CYSTM1: variants seen among roughly 807,000 people sequenced by gnomAD.
The protein encoded by CYSTM1 is cysteine rich transmembrane module containing 1, also known as cysteine-rich transmembrane module-containing protein 1.
CYSTM1 carries 4 observed loss-of-function variants against 13.1 expected under a neutral mutation model. The observed-to-expected ratio is 0.31, with a 90% CI of 0.15 to 0.70. The LOEUF is 0.70. CYSTM1 is among the 30% of genes least tolerant of loss of function. The probability of loss-of-function intolerance (pLI) is 0.72; values close to 1 mark genes in which losing one functional copy is unlikely to be tolerated. For missense variants in CYSTM1, 96 were observed against 121.6 expected (o/e 0.79, Z 0.99); for synonymous variants, 36 against 42.7 (o/e 0.84, Z 0.62).
chr5:140,217,995 T>G (rs17208094), intron 2 of CYSTM1, among the ~76,000 whole-genome samples: 27,524 of 152,114 alleles, frequency 0.18, 2,848 homozygotes, highest in South Asian at 0.24. Context: ...AATAGGACCA[T>G]TTCCATTTCC....
intron 1 of CYSTM1, among the ~76,000 whole-genome samples, chr5:140,178,440 CCTTTTTTTTT>C (rs1297358594): frequency 1.4e-5 from 1 of 72,386 alleles, no homozygotes; most frequent in Non-Finnish European, 2.6e-5. Context: ...TCAAGTCCTT[CCTTTTTTTTT>C]TTTTTTTTTT....
At chr5:140,232,169 A>T (rs1157156158) in intron 2 of CYSTM1, among the ~76,000 whole-genome samples, 3 of 152,236 alleles carry the variant, frequency 2.0e-5, no homozygotes, top group African/African-American at 4.8e-5. Flanking sequence ...GGTTGGGAAC[A>T]AGAGAAAGGA....
chr5:140,179,906 A>G lies in CYSTM1; in HGVS notation c.-21+4621A>G, dbSNP rs919070057. 2.1e-4 allele frequency among the ~76,000 whole-genome samples: 32 copies of G among 151,820 alleles called. No individual in the cohort carries two copies. The South Asian group carries it at 6.7e-3, about 32-fold the overall frequency. Reference sequence around the variant, plus strand: ...TCGAACTCCTGACCTCAGGTGATCCACCCGCCTCAGCCTCCCAAAGTGCTG... The same window carrying G: ...TCGAACTCCTGACCTCAGGTGATCCGCCCGCCTCAGCCTCCCAAAGTGCTG... On this transcript the variant is annotated intron_variant, in intron 1 of 2. Transcript: ENST00000261811.
chr5:140,240,547 C>G (rs1187386224), intron 2 of CYSTM1, among the ~76,000 whole-genome samples: 1 of 151,828 alleles, frequency 6.6e-6, no homozygotes, highest in African/African-American at 2.4e-5. Flanking sequence ...TGCACGAGTT[C>G]TCAGGCAGAG....
rs145123949 is a variant in CYSTM1, at chr5:140,192,140, A to G, written c.-20-2306A>G. On this transcript the variant is annotated intron_variant, in intron 1 of 2. Transcript: ENST00000261811. ...GACCCTCAAGCCATTTGATCCCATA[A>G]CATAGAGTTTCAATTTATAATCAAC... 3.9e-5 allele frequency among the ~76,000 whole-genome samples: 6 copies of G among 152,344 alleles called. No homozygotes were observed. The East Asian group carries it at 1.2e-3, about 29-fold the overall frequency.
intron 1 of CYSTM1, among the ~76,000 whole-genome samples, chr5:140,181,757 A>C (rs1037699910): frequency 8.5e-5 from 13 of 152,248 alleles, no homozygotes; most frequent in African/African-American, 3.1e-4. Flanking sequence ...CACCTGCAAG[A>C]GCCACGGGGG....
chr5:140,181,956 G>T (rs1763966271), intron 1 of CYSTM1, among the ~76,000 whole-genome samples: 1 of 152,190 alleles, frequency 6.6e-6, no homozygotes, highest in South Asian at 2.1e-4. Flanking sequence ...TAAAGGGAGG[G>T]TCTTGAAAGT....
chr5:140,206,990 A>G (rs2126662204), intron 2 of CYSTM1, among the ~76,000 whole-genome samples: 1 of 152,092 alleles, frequency 6.6e-6, no homozygotes, highest in African/African-American at 2.4e-5. Flanking sequence ...TTCCTTTCAC[A>G]TCTCTGAGCA....
At chr5:140,185,665 G>A (rs1764007747) in intron 1 of CYSTM1, among the ~76,000 whole-genome samples, 2 of 152,212 alleles carry the variant, frequency 1.3e-5, no homozygotes, top group Non-Finnish European at 2.9e-5. Flanking sequence ...GTGTTGCACT[G>A]TTACTGGGAG....
intron 1 of CYSTM1, among the ~76,000 whole-genome samples, chr5:140,176,808 A>G (rs866911051): frequency 1.3e-5 from 2 of 152,102 alleles, no homozygotes; most frequent in African/African-American, 4.8e-5. Flanking sequence ...GGTGGCTCAC[A>G]CCTGTAATCC....
In CYSTM1 at chr5:140,175,626, C is replaced by T. The variant is rs1420044279; in HGVS notation, c.-21+341C>T. Among the ~76,000 whole-genome samples the T allele has an allele frequency of 6.6e-6, 1 of 152,244 alleles. No homozygotes were observed. The highest frequency in any genetic ancestry group is 2.4e-5 in the African/African-American group (1 of 41,482). Reference sequence around the variant, plus strand: ...GAGCGGGGCTCGCCACACCCCGTCCCGGGGGACGTCCGCGGGAGGCTTCTG... The same window carrying T: ...GAGCGGGGCTCGCCACACCCCGTCCTGGGGGACGTCCGCGGGAGGCTTCTG... On this transcript the variant is annotated intron_variant, in intron 1 of 2. Transcript: ENST00000261811. The surrounding 1 kb of genome is among the most constrained non-coding windows in gnomAD (Gnocchi z 4.9).
chr5:140,199,026 A>G (rs1242124900), intron 2 of CYSTM1, among the ~76,000 whole-genome samples: 1 of 151,386 alleles, frequency 6.6e-6, no homozygotes, highest in Non-Finnish European at 1.5e-5. Context: ...CTCTTTGTTC[A>G]GCTCCCACTT....
chr5:140,188,529 C>A (rs1581059264), intron 1 of CYSTM1, among the ~76,000 whole-genome samples: 1 of 152,178 alleles, frequency 6.6e-6, no homozygotes, highest in Non-Finnish European at 1.5e-5. Flanking sequence ...CGGTGGCTCA[C>A]GCCTGTAATC....
At chr5:140,192,458 A>C (rs996970112) in intron 1 of CYSTM1, among the ~76,000 whole-genome samples, 4 of 152,228 alleles carry the variant, frequency 2.6e-5, no homozygotes, top group African/African-American at 9.6e-5. Flanking sequence ...AGTTTAGGTT[A>C]GGCCAGGCTT....
intron 2 of CYSTM1, among the ~76,000 whole-genome samples, chr5:140,205,265 A>G (rs1013408872): frequency 1.3e-5 from 2 of 152,148 alleles, no homozygotes; most frequent in African/African-American, 2.4e-5. Context: ...AGGTGATAGA[A>G]TGGCATATTT....
rs182984565 is a variant in CYSTM1, at chr5:140,215,583, A to G, written c.187+20931A>G. Among the ~76,000 whole-genome samples, 25 of 117,274 alleles carry G rather than the reference A, an allele frequency of 2.1e-4. 1 individual carries two copies. The East Asian group carries it at 5.5e-3, about 26-fold the overall frequency. 76.9% of individuals were successfully genotyped at this position (117,274 alleles called of 152,430 possible). ...CTTTTCCTTTGACAAAGTAAATAAT[A>G]TGCATAATTTATTTGCATATTATTT... On this transcript the variant is annotated intron_variant, in intron 2 of 2. Coordinates refer to ENST00000261811, the MANE Select transcript of CYSTM1 (RefSeq NM_032412.4).
chr5:140,210,595 C>A (rs1764356363), intron 2 of CYSTM1, among the ~76,000 whole-genome samples: 1 of 151,908 alleles, frequency 6.6e-6, no homozygotes, highest in South Asian at 2.1e-4. Context: ...CTCACTCCAA[C>A]CTCTGCCTCC....
intron 2 of CYSTM1, among the ~76,000 whole-genome samples, chr5:140,240,196 C>A (rs1764731580): frequency 6.6e-6 from 1 of 152,128 alleles, no homozygotes; most frequent in African/African-American, 2.4e-5. Context: ...CTTTTAACCC[C>A]TCTCCCTTTT....
At position 140,239,371 on chromosome 5, in the gene CYSTM1, A is replaced by G. The variant is rs1764721530; in HGVS notation, c.188-3934A>G. On this transcript the variant is annotated intron_variant, in intron 2 of 2. Coordinates refer to ENST00000261811, the MANE Select transcript of CYSTM1 (RefSeq NM_032412.4). The surrounding 1 kb of genome is among the most constrained non-coding windows in gnomAD (Gnocchi z 5.4). ...TTTCTGAGTAGCCCATGTGAATGTC[A>G]TCTCTGGGAATGTACAATACAGTAG... Among the ~76,000 whole-genome samples, 1 of 152,056 alleles carries G rather than the reference A, an allele frequency of 6.6e-6. No individual in the cohort carries two copies. The highest frequency in any genetic ancestry group is 1.5e-5 in the Non-Finnish European group (1 of 67,986).
Sources: gnomAD v4.1 joint callset for allele counts (sites outside exome capture counted in the v4.1 genomes callset) on GRCh38, gnomAD v4.1.1 for gene constraint, Gnocchi (gnomAD v3.1) non-coding constraint, MANE v1.5 for transcripts, NCBI Gene and HGNC (gene_info 2026-07-23, HGNC 2026-07-21) for gene names.